The following MRS2 variants were observed in gnomAD, a reference collection of about 807,000 sequenced individuals.
MRS2 encodes the protein magnesium transporter MRS2 homolog, mitochondrial.
A neutral mutation model predicts 52.6 loss-of-function variants in MRS2; 40 were observed. The ratio of observed to expected loss-of-function variants is 0.76; its 90% confidence interval spans 0.59 to 0.99. The LOEUF is 0.99. Among genes scored for constraint, MRS2 ranks in the 50% least tolerant of loss-of-function variants. The pLI, the probability that MRS2 is intolerant of heterozygous loss-of-function variation, is 0.00. For synonymous variants in MRS2, 193 were observed against 195.9 expected (o/e 0.98, Z 0.13); for missense variants, 472 against 532.7 (o/e 0.89, Z 1.12).
In MRS2 at chr6:24,405,291, A is replaced by C. The variant is rs369163619; in HGVS notation, c.264+50A>C. ...ATCGTACAGAAAGTGCTTCCCATAC[A>C]TAAGTTAACTCGTTGGACTGTTGGC... On this transcript the variant is annotated intron_variant, in intron 2 of 10. Transcript: ENST00000378386. 3 of 1,336,552 alleles carry C rather than the reference A, an allele frequency of 2.2e-6. No homozygotes were observed. The South Asian group carries it at 3.6e-5, about 16-fold the overall frequency. The allele number at this position is 1,336,552 out of a possible 1,614,324, so 82.8% of individuals were successfully genotyped here. A position where few individuals can be genotyped will look rare whatever the true frequency, so the allele number is the denominator to read the frequency against.
rs977260074 is a variant in MRS2, at chr6:24,424,839, G to A, written c.*1145G>A. 1 of 152,170 alleles carries A rather than the reference G, an allele frequency of 6.6e-6. No individual in the cohort carries two copies. Among genetic ancestry groups the A allele is most frequent in the African/African-American group, 2.4e-5 (1 of 41,438 alleles). 9.4% of individuals were successfully genotyped at this position (152,170 alleles called of 1,614,324 possible). ...ATTAGCCTAATGTGATGTCATATGA[G>A]GAAGTTTAGGAGTCCATTTTTCAGG... On this transcript the variant is annotated 3_prime_UTR_variant, in exon 11 of 11. Coordinates refer to ENST00000378386, the MANE Select transcript of MRS2 (RefSeq NM_020662.4).
chr6:24,413,566 C>A (rs1272162893), intron 5 of MRS2, among the ~76,000 whole-genome samples: 1 of 152,184 alleles, frequency 6.6e-6, no homozygotes, highest in African/African-American at 2.4e-5. Flanking sequence ...AAAGTCCACA[C>A]CTTGCTGAGC....
At position 24,418,102 on chromosome 6, in the gene MRS2, G is replaced by C; in HGVS notation, c.855G>C (p.Gly285=). The C allele has an allele frequency of 6.2e-7, 1 of 1,613,140 alleles. No individual in the cohort carries two copies. The highest frequency in any genetic ancestry group is 2.2e-5 in the East Asian group (1 of 44,870). Residue 285 remains glycine (G), a synonymous_variant, in exon 8 of 11, where the codon GGG becomes GGC. Coordinates refer to ENST00000378386, the MANE Select transcript of MRS2 (RefSeq NM_020662.4). ...DPQVFEKSSA[G]IDHAEEMELL... The stretch of plus-strand genomic sequence containing the variant: ...ATTGAAGTGAAAAGAGCAGTGCTGG[G>C]ATTGACCATGCAGAAGAGATGGAGT...
chr6:24,410,699 C>T, intron 4 of MRS2: 1 of 1,464,912 alleles, frequency 6.8e-7, no homozygotes, highest in East Asian at 2.5e-5. Flanking sequence ...AAAAATGAAG[C>T]AGTCTTCTCC....
At chr6:24,405,855 C>T (rs999360404) in intron 2 of MRS2, among the ~76,000 whole-genome samples, 9 of 149,624 alleles carry the variant, frequency 6.0e-5, no homozygotes, top group Non-Finnish European at 1.3e-4. Flanking sequence ...CCTGTAATTC[C>T]AACACTTTGG....
chr6:24,407,305 A>G (rs1277347), intron 2 of MRS2, among the ~76,000 whole-genome samples: 150,511 of 152,306 alleles, frequency 0.99, 74,399 homozygotes, highest in East Asian at 1. Context: ...TTTTCCTTTA[A>G]TGTTCTATGG....
chr6:24,423,055 G>C lies in MRS2; in HGVS notation c.1221+5G>C. 6.2e-7 allele frequency: 1 copy of C among 1,608,546 alleles called. No homozygotes were observed. The highest frequency in any genetic ancestry group is 8.5e-7 in the Non-Finnish European group (1 of 1,175,094). On this transcript the variant is annotated splice_donor_5th_base_variant and intron_variant, in intron 10 of 10. Transcript: ENST00000378386. ...GAAGCTCCATTGCCTCCTATGGTAT[G>C]AAGGATATGGTTCACGGCGGTATTG...
chr6:24,406,965 T>A (rs1197467959), intron 2 of MRS2, among the ~76,000 whole-genome samples: 2 of 152,150 alleles, frequency 1.3e-5, no homozygotes, highest in Non-Finnish European at 2.9e-5. Context: ...ATAATTTGTA[T>A]GATTTAAAAA....
At position 24,402,961 on chromosome 6, in the gene MRS2, C is replaced by A; in HGVS notation, c.-86C>A. On this transcript the variant is annotated 5_prime_UTR_variant, in exon 1 of 11. Transcript: ENST00000378386. ...ACAGAGTCTGCAGGTCGGGCGGTAG[C>A]GACAGGTCAGAGCTGCGGCCTGAGC... 1 of 1,302,424 alleles carries A rather than the reference C, an allele frequency of 7.7e-7. No individual in the cohort carries two copies. The highest frequency in any genetic ancestry group is 1.0e-6 in the Non-Finnish European group (1 of 963,292). 80.7% of individuals were successfully genotyped at this position (1,302,424 alleles called of 1,614,324 possible). A position where few individuals can be genotyped will look rare whatever the true frequency, so the allele number is the denominator to read the frequency against.
intron 9 of MRS2, among the ~76,000 whole-genome samples, chr6:24,420,275 G>A (rs992500900): frequency 1.3e-4 from 20 of 152,062 alleles, no homozygotes; most frequent in Non-Finnish European, 2.5e-4. Flanking sequence ...TTCACTGAAT[G>A]CACCGACAAC....
rs899050043 is a variant in MRS2, at chr6:24,424,523, T to C, written c.*829T>C. The C allele has an allele frequency of 5.9e-5, 9 of 152,230 alleles. No homozygotes were observed. Among genetic ancestry groups the C allele is most frequent in the African/African-American group, 1.4e-4 (6 of 41,464 alleles). The allele number at this position is 152,230 out of a possible 1,614,324, so 9.4% of individuals were successfully genotyped here. On this transcript the variant is annotated 3_prime_UTR_variant, in exon 11 of 11. Coordinates refer to ENST00000378386, the MANE Select transcript of MRS2 (RefSeq NM_020662.4). ...CTCAGAAGCTGACAGATGAGCTTCC[T>C]AAAACATGAGGATGAATAAATGTTA...
intron 7 of MRS2, 151 bp downstream of exon 7, chr6:24,416,664 C>T (rs565471093): frequency 1.3e-5 from 8 of 636,416 alleles, no homozygotes; most frequent in Non-Finnish European, 1.7e-5. Context: ...TTTTCCTGTG[C>T]AGTATCGTAT....
intron 9 of MRS2, among the ~76,000 whole-genome samples, chr6:24,419,593 C>T (rs944414624): frequency 6.6e-6 from 1 of 152,192 alleles, no homozygotes; most frequent in African/African-American, 2.4e-5. Flanking sequence ...TTAACTTGCC[C>T]ACAGGCATAG....
chr6:24,403,222 G>C lies in MRS2; in HGVS notation c.176G>C (p.Arg59Pro), dbSNP rs1761345003. 3 of 1,596,808 alleles carry C rather than the reference G, an allele frequency of 1.9e-6. No individual in the cohort carries two copies. The highest frequency in any genetic ancestry group is 1.3e-5 in the African/African-American group (1 of 74,936). The change falls in exon 1 of 11, where the codon CGG (arginine) becomes CCG (proline). Residue 59 changes from arginine (R) to proline (P), a missense_variant. By Grantham distance (103) the Arg-to-Pro change is moderately radical (BLOSUM62 -2). Transcript: ENST00000378386. Reference sequence around the variant, plus strand: ...GCGGCGCAGCTTTGCGGGCCCGACCGGCTCCGCGTGGCAGGTACTGCCCTT... The same window carrying C: ...GCGGCGCAGCTTTGCGGGCCCGACCCGCTCCGCGTGGCAGGTACTGCCCTT... ...SRAAQLCGPD[R>P]LRVAGEVHRF...
At position 24,426,113 on chromosome 6, in the gene MRS2, G is replaced by A. The variant is rs1315962730; in HGVS notation, c.*2419G>A. 3 of 152,218 alleles carry A rather than the reference G, an allele frequency of 2.0e-5. No homozygotes were observed. Among genetic ancestry groups the A allele is most frequent in the African/African-American group, 4.8e-5 (2 of 41,556 alleles). 9.4% of individuals were successfully genotyped at this position (152,218 alleles called of 1,614,324 possible). ...CCTTGAGAAAAGCTGTTACATATAC[G>A]CAGATAGTAGCAAGACAGAAAATGC... is the stretch of plus-strand genomic sequence containing the variant. On this transcript the variant is annotated 3_prime_UTR_variant, in exon 11 of 11. Transcript: ENST00000378386.
At chr6:24,415,397 C>T (rs1761815317) in intron 6 of MRS2, among the ~76,000 whole-genome samples, 2 of 152,144 alleles carry the variant, frequency 1.3e-5, no homozygotes, top group African/African-American at 4.8e-5. Flanking sequence ...TTGATATTGT[C>T]TTCATTTTGA....
At chr6:24,415,617 T>A (rs1318798152) in intron 6 of MRS2, among the ~76,000 whole-genome samples, 1 of 152,212 alleles carries the variant, frequency 6.6e-6, no homozygotes, top group East Asian at 1.9e-4. Context: ...GAATTAACAT[T>A]TAAAATTCCT....
intron 6 of MRS2, among the ~76,000 whole-genome samples, chr6:24,415,655 T>C (rs945446750): frequency 1.3e-5 from 2 of 152,226 alleles, no homozygotes; most frequent in Non-Finnish European, 2.9e-5. Flanking sequence ...TCCAAAAATG[T>C]TGGAGTGTTT....
rs1762151601 is a variant in MRS2 at position 24,424,204 on chromosome 6, T to G, written c.*510T>G. 7.1e-6 allele frequency: 1 copy of G among 140,606 alleles called. No individual in the cohort carries two copies. Among genetic ancestry groups the G allele is most frequent in the South Asian group, 2.3e-4 (1 of 4,338 alleles). 8.7% of individuals were successfully genotyped at this position (140,606 alleles called of 1,614,324 possible). A position where few individuals can be genotyped will look rare whatever the true frequency, so the allele number is the denominator to read the frequency against. ...AAACCAAACTTTGACATAACCTTAT[T>G]TCTTGTATTTGCCCCCTTTTTTTTA... On this transcript the variant is annotated 3_prime_UTR_variant, in exon 11 of 11. Transcript: ENST00000378386.
Sources: gnomAD v4.1 joint callset for allele counts (sites outside exome capture counted in the v4.1 genomes callset) on GRCh38, gnomAD v4.1.1 for gene constraint, MANE v1.5 for transcripts, NCBI Gene and HGNC (gene_info 2026-07-23, HGNC 2026-07-21) for gene names.